DIP2B: variants seen among roughly 807,000 people sequenced by gnomAD.
DIP2B encodes the protein DIP2 acetate--CoA ligase B (putative).
A neutral mutation model predicts 198.0 loss-of-function variants in DIP2B; 76 were observed. That is an observed-to-expected ratio of 0.38 (90% CI 0.32 to 0.46). The LOEUF is 0.46. Among genes scored for constraint, DIP2B ranks in the 20% least tolerant of loss-of-function variants. The pLI, the probability that DIP2B is intolerant of heterozygous loss-of-function variation, is 0.99. For synonymous variants in DIP2B, 701 were observed against 739.1 expected (o/e 0.95, Z 0.84); for missense variants, 1,559 against 1,978.4 (o/e 0.79, Z 4.02).
intron 22 of DIP2B, 63 bp downstream of exon 22, chr12:50,708,625 A>G: frequency 7.4e-7 from 1 of 1,347,184 alleles, no homozygotes; most frequent in Non-Finnish European, 1.0e-6. Flanking sequence ...TAAGCATTTC[A>G]TTTTCTTCGA....
Position 50,686,082 on chromosome 12 carries a change from G to C in DIP2B, c.1441+126G>C, listed in dbSNP as rs539074595. On this transcript the variant is annotated intron_variant, in intron 11 of 37. Transcript: ENST00000301180. ...TATTTAATTCTCATAGTCTTATGAA[G>C]TAGGTACCATTATTATCCCCATTTT... 9 of 1,024,664 alleles carry C rather than the reference G, an allele frequency of 8.8e-6. No individual in the cohort carries two copies. In the Admixed American group the frequency reaches 2.5e-4, roughly 29 times the overall value. 63.5% of individuals were successfully genotyped at this position (1,024,664 alleles called of 1,614,324 possible).
chr12:50,516,636 C>T (rs1269071225), intron 1 of DIP2B, among the ~76,000 whole-genome samples: 3 of 152,056 alleles, frequency 2.0e-5, no homozygotes, highest in Non-Finnish European at 2.9e-5. Flanking sequence ...ACCATAGTAA[C>T]TTACCAAAGT....
intron 1 of DIP2B, among the ~76,000 whole-genome samples, chr12:50,598,135 A>G (rs556972186): frequency 1.9e-4 from 29 of 152,252 alleles, no homozygotes; most frequent in African/African-American, 6.0e-4. Flanking sequence ...CCACTTTTGC[A>G]TTACTGAGCA....
intron 3 of DIP2B, among the ~76,000 whole-genome samples, chr12:50,642,187 C>T (rs546478479): frequency 6.6e-6 from 1 of 152,232 alleles, no homozygotes; most frequent in East Asian, 1.9e-4. Context: ...ATAGGAGAGG[C>T]TTGCTCAGAG....
At position 50,704,032 on chromosome 12, in the gene DIP2B, A is replaced by G. The variant is rs559067279; in HGVS notation, c.2326-108A>G. On this transcript the variant is annotated intron_variant, in intron 19 of 37. Coordinates refer to ENST00000301180, the MANE Select transcript of DIP2B (RefSeq NM_173602.3). Reference sequence around the variant, plus strand: ...AAGGGATGGAATTACTGGATTCACTATTACATTATTTTTTCACTGAGCATG... The same window carrying G: ...AAGGGATGGAATTACTGGATTCACTGTTACATTATTTTTTCACTGAGCATG... The G allele has an allele frequency of 1.4e-5, 12 of 848,016 alleles. No individual in the cohort carries two copies. In the East Asian group the frequency reaches 2.2e-4, roughly 16 times the overall value. 52.5% of individuals were successfully genotyped at this position (848,016 alleles called of 1,614,324 possible).
At chr12:50,603,932 G>A (rs1487447719) in intron 1 of DIP2B, among the ~76,000 whole-genome samples, 1 of 152,090 alleles carries the variant, frequency 6.6e-6, no homozygotes, top group Non-Finnish European at 1.5e-5. Context: ...ACAATGATGA[G>A]AAAGCCATGG....
At chr12:50,537,055 CT>C (rs1012947998) in intron 1 of DIP2B, among the ~76,000 whole-genome samples, 83 of 117,952 alleles carry the variant, frequency 7.0e-4, no homozygotes, top group Non-Finnish European at 8.5e-4. Context: ...TTATCCTGTG[CT>C]TTTTTTTTTT....
intron 22 of DIP2B, among the ~76,000 whole-genome samples, chr12:50,711,681 C>T (rs1939619072): frequency 6.6e-6 from 1 of 152,174 alleles, no homozygotes; most frequent in South Asian, 2.1e-4. Context: ...CCTGCCTCAG[C>T]CTTCCAAGTA....
At chr12:50,585,349 C>A (rs148654015) in intron 1 of DIP2B, among the ~76,000 whole-genome samples, 1 of 152,162 alleles carries the variant, frequency 6.6e-6, no homozygotes, top group South Asian at 2.1e-4. Flanking sequence ...ACAGATAAAT[C>A]GTGTGCTGAC....
intron 1 of DIP2B, among the ~76,000 whole-genome samples, chr12:50,601,952 TTGTA>T (rs1353072591): frequency 6.6e-6 from 1 of 152,208 alleles, no homozygotes; most frequent in Non-Finnish European, 1.5e-5. Context: ...ATTGCTCCAG[TTGTA>T]TAATTCAACA....
At chr12:50,640,937 T>G (rs2139486904) in intron 3 of DIP2B, 85 bp downstream of exon 3, 1 of 1,421,518 alleles carries the variant, frequency 7.0e-7, no homozygotes, top group East Asian at 2.5e-5. Context: ...CTAATACTTG[T>G]CTTTTTTTTC....
At chr12:50,542,761 G>A (rs996008075) in intron 1 of DIP2B, among the ~76,000 whole-genome samples, 1 of 152,170 alleles carries the variant, frequency 6.6e-6, no homozygotes, top group African/African-American at 2.4e-5. Context: ...ACTGTTTCTC[G>A]TTATGATTAA....
At chr12:50,704,287 C>A (rs1260480843) in intron 20 of DIP2B, 67 bp downstream of exon 20, 9 of 1,506,542 alleles carry the variant, frequency 6.0e-6, no homozygotes, top group Non-Finnish European at 8.2e-6. Flanking sequence ...ATTCACAGAA[C>A]AGAACAAATT....
At chr12:50,653,790 T>G (rs547997917) in intron 3 of DIP2B, among the ~76,000 whole-genome samples, 128 of 152,206 alleles carry the variant, frequency 8.4e-4, no homozygotes, top group Non-Finnish European at 1.4e-3. Context: ...AAAAAACAAC[T>G]CATTTGTTGA....
chr12:50,714,295 G>C, intron 22 of DIP2B, 100 bp from the exon 23 acceptor site: 1 of 1,343,302 alleles, frequency 7.4e-7, no homozygotes, highest in Non-Finnish European at 1.0e-6. Flanking sequence ...AGAATGGGTA[G>C]AGTAAGAAAA....
At chr12:50,728,312 A>T (rs1939973521) in intron 29 of DIP2B, among the ~76,000 whole-genome samples, 2 of 152,236 alleles carry the variant, frequency 1.3e-5, no homozygotes, top group South Asian at 4.1e-4. Context: ...GTGCCATTGC[A>T]CCGCAGCCTG....
At chr12:50,735,751 A>G (rs1285977552) in intron 34 of DIP2B, among the ~76,000 whole-genome samples, 2 of 152,340 alleles carry the variant, frequency 1.3e-5, no homozygotes, top group East Asian at 3.9e-4. Context: ...GGCATGAGCC[A>G]CTATGCCCGG....
At chr12:50,623,135 G>A (rs1422919104) in intron 1 of DIP2B, among the ~76,000 whole-genome samples, 1 of 151,970 alleles carries the variant, frequency 6.6e-6, no homozygotes, top group Admixed American at 6.6e-5. Flanking sequence ...TGTAATTCTA[G>A]CACTTTGGGA....
intron 35 of DIP2B, 76 bp downstream of exon 35, chr12:50,737,186 A>T: frequency 7.3e-7 from 1 of 1,374,360 alleles, no homozygotes; most frequent in Non-Finnish European, 1.0e-6. Context: ...AGAAATCAGT[A>T]AAACTGTGGA....
Sources: gnomAD v4.1 joint callset for allele counts (sites outside exome capture counted in the v4.1 genomes callset) on GRCh38, gnomAD v4.1.1 for gene constraint, MANE v1.5 for transcripts, NCBI Gene and HGNC (gene_info 2026-07-23, HGNC 2026-07-21) for gene names.